The following SIK3 variants were observed in gnomAD, a reference collection of about 807,000 sequenced individuals.
SIK3 encodes the protein serine/threonine-protein kinase SIK3.
In SIK3, 28 loss-of-function variants were observed where a neutral mutation model predicts 144.2. The ratio of observed to expected loss-of-function variants is 0.19; its 90% CI spans 0.14 to 0.27. SIK3 has a LOEUF of 0.27. Among genes scored for constraint, SIK3 ranks in the 10% least tolerant of loss-of-function variants. SIK3 has a pLI of 1.00. For synonymous variants in SIK3, 686 were observed against 676.3 expected, an observed-to-expected ratio of 1.01 and a Z score of -0.22; for missense variants, 1,319 against 1,776.0, an observed-to-expected ratio of 0.74 and a Z score of 4.62.
chr11:116,850,986 G>A (rs981937050), intron 21 of SIK3, among the ~76,000 whole-genome samples: 1 of 152,208 alleles, frequency 6.6e-6, no homozygotes, highest in African/African-American at 2.4e-5. Context: ...TCCAGCCTGG[G>A]CAACAGAGTG....
chr11:117,027,870 C>T (rs1952086000), intron 1 of SIK3, among the ~76,000 whole-genome samples: 2 of 152,110 alleles, frequency 1.3e-5, no homozygotes. Flanking sequence ...ACAATGGCAA[C>T]CAAATTATAG....
At chr11:117,097,629 A>T (rs1955536234) in intron 1 of SIK3, among the ~76,000 whole-genome samples, 1 of 151,458 alleles carries the variant, frequency 6.6e-6, no homozygotes, top group Non-Finnish European at 1.5e-5. Flanking sequence ...GGATCCTGGG[A>T]CCTCCCAGCG....
At chr11:117,041,891 A>G (rs1197608900) in intron 1 of SIK3, among the ~76,000 whole-genome samples, 1 of 144,178 alleles carries the variant, frequency 6.9e-6, no homozygotes, top group Non-Finnish European at 1.5e-5. Context: ...AAACAGGTAG[A>G]GCCCGTTTAT....
At position 116,873,592 on chromosome 11, in the gene SIK3, T is replaced by C. The variant is rs1351960208; in HGVS notation, c.1626A>G (p.Gly542=). The C allele has an allele frequency of 6.2e-7, 1 of 1,601,710 alleles. No individual in the cohort carries two copies. Among genetic ancestry groups the C allele is most frequent in the African/African-American group, 1.3e-5 (1 of 74,358 alleles). ...LQPPTLQLLN[G]MGPLGRRASD... ...ATGCCCTCCGGCCAAGGGGGCCCAT[T>C]CCATTCAACAGCTGTAGCGTGGGCG... The change falls in exon 13 of 25, where the codon GGA becomes GGG. Residue 542 remains glycine (G), a synonymous_variant. Transcript: ENST00000445177.
intron 1 of SIK3, among the ~76,000 whole-genome samples, chr11:117,018,535 G>A (rs534531450): frequency 1.6e-3 from 237 of 152,116 alleles, no homozygotes; most frequent in African/African-American, 5.2e-3. Context: ...TGCTTTAGGT[G>A]TAACACAAAT....
chr11:117,032,440 T>C (rs1025691354), intron 1 of SIK3, among the ~76,000 whole-genome samples: 1 of 152,214 alleles, frequency 6.6e-6, no homozygotes, highest in Non-Finnish European at 1.5e-5. Flanking sequence ...TGGTATTGCA[T>C]GTATTTCCAT....
intron 1 of SIK3, among the ~76,000 whole-genome samples, chr11:116,957,518 G>GCTTT (rs898186533): frequency 2.6e-5 from 4 of 152,020 alleles, no homozygotes. Context: ...TTTCACAGGG[G>GCTTT]CTTTACACAT....
At chr11:117,036,529 T>C (rs571376196) in intron 1 of SIK3, among the ~76,000 whole-genome samples, 1 of 152,226 alleles carries the variant, frequency 6.6e-6, no homozygotes, top group East Asian at 1.9e-4. Flanking sequence ...AGAAAAGAAA[T>C]GAAGATCTAC....
Position 116,849,400 on chromosome 11 carries a change from C to T in SIK3, c.3656-117G>A. On this transcript the variant is annotated intron_variant, in intron 21 of 24. Transcript: ENST00000445177. This position sits in a 1 kb window ranked among gnomAD's most constrained non-coding sequence, Gnocchi z 4.2. ...GGCAAGGCTGAGGAGATCATGTACA[C>T]CAACCGCTGATCCTCAGCCGGCGTC... The T allele has an allele frequency of 8.2e-7, 1 of 1,219,928 alleles. No individual in the cohort carries two copies. The highest frequency in any genetic ancestry group is 1.2e-6 in the Non-Finnish European group (1 of 868,884). 75.6% of individuals were successfully genotyped at this position (1,219,928 alleles called of 1,614,324 possible). A position where few individuals can be genotyped will look rare whatever the true frequency, so the allele number is the denominator to read the frequency against.
At chr11:116,962,453 A>AT (rs1949384045) in intron 1 of SIK3, among the ~76,000 whole-genome samples, 1 of 152,142 alleles carries the variant, frequency 6.6e-6, no homozygotes, top group Admixed American at 6.5e-5. Context: ...AGAAAAGCTT[A>AT]TTTTTTTAAA....
intron 22 of SIK3, among the ~76,000 whole-genome samples, chr11:116,848,071 T>C (rs1942131662): frequency 6.6e-6 from 1 of 152,078 alleles, no homozygotes; most frequent in Non-Finnish European, 1.5e-5. Context: ...TCCCAGCACT[T>C]TGGGAGGCTG....
intron 14 of SIK3, chr11:116,869,530 T>C (rs1052683136): frequency 7.9e-5 from 12 of 152,350 alleles, no homozygotes; most frequent in African/African-American, 2.9e-4. Flanking sequence ...CAAAAGCCCA[T>C]GAAAACCATT....
At chr11:116,900,262 G>A (rs538834176) in intron 4 of SIK3, among the ~76,000 whole-genome samples, 11 of 152,108 alleles carry the variant, frequency 7.2e-5, no homozygotes, top group South Asian at 6.2e-4. Flanking sequence ...TTTCTCCCTC[G>A]TTTCCCATTT....
intron 4 of SIK3, among the ~76,000 whole-genome samples, chr11:116,924,616 G>A (rs1278669554): frequency 6.6e-6 from 1 of 152,200 alleles, no homozygotes; most frequent in Non-Finnish European, 1.5e-5. Context: ...AGGCCCCACA[G>A]CTCGCAGCAC....
At chr11:117,042,920 T>G (rs1165457576) in intron 1 of SIK3, among the ~76,000 whole-genome samples, 3 of 152,224 alleles carry the variant, frequency 2.0e-5, no homozygotes, top group Non-Finnish European at 4.4e-5. Context: ...TGTATCTCAT[T>G]AGCTGCCACA....
At chr11:116,892,911 A>C (rs571732812) in intron 6 of SIK3, among the ~76,000 whole-genome samples, 1 of 152,332 alleles carries the variant, frequency 6.6e-6, no homozygotes, top group Non-Finnish European at 1.5e-5. Flanking sequence ...CCATGAAGAG[A>C]CATGGAGGAA....
intron 1 of SIK3, among the ~76,000 whole-genome samples, chr11:117,093,875 G>A (rs777762663): frequency 4.6e-5 from 7 of 152,130 alleles, no homozygotes; most frequent in Middle Eastern, 3.4e-3. Flanking sequence ...ATACATTCAT[G>A]AATCGTGCCC....
chr11:116,911,453 C>T (rs151210266), intron 4 of SIK3, among the ~76,000 whole-genome samples: 99 of 152,108 alleles, frequency 6.5e-4, no homozygotes, highest in African/African-American at 2.3e-3. Flanking sequence ...GCTGCAGTGA[C>T]CCGAGATGGT....
intron 1 of SIK3, among the ~76,000 whole-genome samples, chr11:117,090,139 A>G (rs73576667): frequency 0.021 from 3,160 of 152,316 alleles, 116 homozygotes; most frequent in African/African-American, 0.071. Flanking sequence ...GCAATATTTT[A>G]TTAGATTAGG....
Sources: allele counts gnomAD v4.1 joint callset (sites outside exome capture counted in the v4.1 genomes callset), GRCh38; gene constraint gnomAD v4.1.1; non-coding constraint Gnocchi (gnomAD v3.1); transcripts MANE v1.5; gene names NCBI Gene and HGNC (gene_info 2026-07-23, HGNC 2026-07-21).